The following SGCD variants were observed in gnomAD, a reference collection of about 807,000 sequenced individuals.
The protein encoded by SGCD is delta-sarcoglycan.
SGCD carries 18 observed loss-of-function variants against 36.6 expected under a neutral mutation model. The ratio of observed to expected loss-of-function variants is 0.49; its 90% CI spans 0.34 to 0.73. SGCD has a LOEUF of 0.73. Ranked by LOEUF, SGCD falls within the 30% of genes least tolerant of loss-of-function variation. The pLI is 0.01. For missense variants in SGCD, 387 were observed against 346.7 expected (o/e 1.12, Z -0.92); for synonymous variants, 133 against 130.6 (o/e 1.02, Z -0.12).
chr5:156,464,805 G>A (rs1442463039), intron 3 of SGCD, among the ~76,000 whole-genome samples: 2 of 152,110 alleles, frequency 1.3e-5, no homozygotes, highest in Admixed American at 6.6e-5. Flanking sequence ...ATAACGTAAT[G>A]ACATTTAGGA....
At chr5:156,599,625 G>C (rs966559831) in intron 6 of SGCD, among the ~76,000 whole-genome samples, 2 of 152,224 alleles carry the variant, frequency 1.3e-5, no homozygotes, top group African/African-American at 4.8e-5. Flanking sequence ...GCACATTCAA[G>C]GGATCTTGAA....
chr5:156,072,227 G>A (rs569506685), intron 1 of SGCD, among the ~76,000 whole-genome samples: 243 of 152,186 alleles, frequency 1.6e-3, no homozygotes, highest in African/African-American at 4.5e-3. Flanking sequence ...TCCTAGCCTC[G>A]ATGGTCTTTA....
chr5:155,739,366 C>T, the SGCD span, among the ~76,000 whole-genome samples: 7 of 152,220 alleles, frequency 4.6e-5, no homozygotes, highest in South Asian at 6.2e-4. Context: ...TGAGAACCAG[C>T]GTGGAAGCCA....
chr5:156,728,521 A>AAAG (rs1755895278), intron 7 of SGCD, among the ~76,000 whole-genome samples: 1 of 150,386 alleles, frequency 6.6e-6, no homozygotes, highest in East Asian at 1.9e-4. Context: ...AAAAAAAAAA[A>AAAG]AAAAAAAAAA....
chr5:156,061,841 T>A (rs985000639), intron 1 of SGCD, among the ~76,000 whole-genome samples: 1 of 144,596 alleles, frequency 6.9e-6, no homozygotes, highest in Non-Finnish European at 1.6e-5. Flanking sequence ...CCAAGTTACA[T>A]TAATATATGT....
intron 2 of SGCD, among the ~76,000 whole-genome samples, chr5:156,122,843 T>TTAAAAAAAA (rs1762076620): frequency 1.8e-5 from 1 of 54,158 alleles, no homozygotes. Flanking sequence ...AAAGATGTGG[T>TTAAAAAAAA]AAAAAAAAAA....
chr5:156,617,961 G>T (rs1762083153), intron 6 of SGCD, among the ~76,000 whole-genome samples: 1 of 152,168 alleles, frequency 6.6e-6, no homozygotes, highest in Non-Finnish European at 1.5e-5. Context: ...CGTGAAGTTG[G>T]CCACATTGTT....
intron 8 of SGCD, among the ~76,000 whole-genome samples, chr5:156,758,636 A>G (rs893639525): frequency 1.3e-5 from 2 of 152,246 alleles, no homozygotes; most frequent in African/African-American, 4.8e-5. Flanking sequence ...TATGCAGTTT[A>G]TAGCTATCAG....
intron 3 of SGCD, among the ~76,000 whole-genome samples, chr5:156,502,722 A>G (rs763182471): frequency 2.0e-5 from 3 of 152,166 alleles, no homozygotes; most frequent in Non-Finnish European, 2.9e-5. Flanking sequence ...AATCTTAATA[A>G]TACCCAAAAC....
At chr5:156,477,718 C>A (rs1755248775) in intron 3 of SGCD, among the ~76,000 whole-genome samples, 1 of 145,848 alleles carries the variant, frequency 6.9e-6, no homozygotes, top group Admixed American at 6.9e-5. Flanking sequence ...ATGTCAAGGT[C>A]ATAGGCACTT....
chr5:156,729,486 ATC>A (rs1334137434), intron 7 of SGCD, among the ~76,000 whole-genome samples: 1 of 152,228 alleles, frequency 6.6e-6, no homozygotes, highest in Non-Finnish European at 1.5e-5. Context: ...GATGGGATCT[ATC>A]TCTCAGGGTT....
At chr5:155,896,684 ATAAAAT>A (rs1756270070) in intron 1 of SGCD, among the ~76,000 whole-genome samples, 1 of 151,676 alleles carries the variant, frequency 6.6e-6, no homozygotes, top group African/African-American at 2.4e-5. Context: ...TTATAAAAAA[ATAAAAT>A]TAAAAGTAGG....
chr5:156,254,213 A>G (rs981026089), intron 3 of SGCD, among the ~76,000 whole-genome samples: 5 of 152,208 alleles, frequency 3.3e-5, no homozygotes, highest in Non-Finnish European at 7.3e-5. Flanking sequence ...ATTTATAATG[A>G]TGTATGCTCT....
At chr5:155,872,031 C>T (rs2113276832) in intron 1 of SGCD, among the ~76,000 whole-genome samples, 1 of 152,282 alleles carries the variant, frequency 6.6e-6, no homozygotes, top group Non-Finnish European at 1.5e-5. Flanking sequence ...GGGCAGCAAA[C>T]ATTTGATTGA....
At chr5:156,449,846 C>A (rs1753926813) in intron 3 of SGCD, among the ~76,000 whole-genome samples, 1 of 127,336 alleles carries the variant, frequency 7.9e-6, no homozygotes. Context: ...GAGTGAAACT[C>A]CATCTCAAAA....
At chr5:155,793,971 G>A in the SGCD span, among the ~76,000 whole-genome samples, 12 of 125,758 alleles carry the variant, frequency 9.5e-5, no homozygotes, top group African/African-American at 1.7e-4. Flanking sequence ...AAAAAAAAAA[G>A]AGAGAGAAAG....
chr5:156,366,208 G>C (rs1400704084), intron 3 of SGCD, among the ~76,000 whole-genome samples: 1 of 152,116 alleles, frequency 6.6e-6, no homozygotes, highest in East Asian at 1.9e-4. Context: ...TGGAGTCTAC[G>C]GAAAAATACT....
the SGCD span, among the ~76,000 whole-genome samples, chr5:155,851,818 T>C: frequency 6.6e-6 from 1 of 152,204 alleles, no homozygotes; most frequent in East Asian, 1.9e-4. Flanking sequence ...TGGGAAACGG[T>C]GTAGTATAGT....
At chr5:156,689,246 A>C (rs1314886846) in intron 7 of SGCD, among the ~76,000 whole-genome samples, 4 of 152,190 alleles carry the variant, frequency 2.6e-5, no homozygotes, top group African/African-American at 7.2e-5. Context: ...ACTTTTCTCG[A>C]AATCCAAAAT....
Sources: allele counts gnomAD v4.1 joint callset (sites outside exome capture counted in the v4.1 genomes callset), GRCh38; gene constraint gnomAD v4.1.1; transcripts MANE v1.5; gene names NCBI Gene and HGNC (gene_info 2026-07-23, HGNC 2026-07-21).